DIS3L: variants seen among roughly 807,000 people sequenced by gnomAD.
The protein encoded by DIS3L is DIS3 like exosome 3'-5' exoribonuclease.
DIS3L carries 100 observed loss-of-function variants against 120.3 expected under a neutral mutation model. That is an observed-to-expected ratio of 0.83 (90% CI 0.71 to 0.98). The LOEUF (loss-of-function observed/expected upper bound fraction) is 0.98. DIS3L is among the 50% of genes least tolerant of loss of function. The pLI, the probability that DIS3L is intolerant of heterozygous loss-of-function variation, is 0.00. For missense variants in DIS3L, 1,196 were observed against 1,314.2 expected (o/e 0.91, Z 1.39); for synonymous variants, 426 against 470.6 (o/e 0.91, Z 1.23).
rs755941535 is a variant in DIS3L at position 66,311,798 on chromosome 15, GGA to G, written c.642_643del (p.Asn215Ter). On this transcript the variant is annotated frameshift_variant, in exon 5 of 17. Transcript: ENST00000319212. LOFTEE classifies it high-confidence loss of function. ...LCDSILQSRR[E>X]RENESQESHG... ...GTGATTCTATCCTTCAGTCTCGACGGGAGAGAGAGAATGAGAGTCAGGAGAGC... is the reference window on the plus strand; with the variant it reads ...GTGATTCTATCCTTCAGTCTCGACGGGAGAGAGAATGAGAGTCAGGAGAGC... 8.1e-6 allele frequency: 13 copies of G among 1,614,130 alleles called. No homozygotes were observed. Among genetic ancestry groups the G allele is most frequent in the East Asian group, 2.2e-5 (1 of 44,884 alleles).
intron 15 of DIS3L, among the ~76,000 whole-genome samples, chr15:66,332,305 A>C (rs2093007103): frequency 6.6e-6 from 1 of 152,054 alleles, no homozygotes; most frequent in East Asian, 1.9e-4. Flanking sequence ...AAAAGTACAA[A>C]AATTAGCCGG....
Position 66,293,689 on chromosome 15 carries a change from G to A in DIS3L, c.93G>A (p.Val31=). 7.2e-7 allele frequency: 1 copy of A among 1,397,628 alleles called. No homozygotes were observed. Among genetic ancestry groups the A allele is most frequent in the Non-Finnish European group, 9.3e-7 (1 of 1,070,838 alleles). The allele number at this position is 1,397,628 out of a possible 1,614,324, so 86.6% of individuals were successfully genotyped here. A position where few individuals can be genotyped will look rare whatever the true frequency, so the allele number is the denominator to read the frequency against. The change falls in exon 1 of 17, where the codon GTG becomes GTA. Residue 31 remains valine (V), a synonymous_variant. Transcript: ENST00000319212. ...IVREHYLRPC[V]PCHSPLCPQP... is the part of the protein sequence containing the mutation. ...GCGAGCACTACCTGCGGCCCTGCGT[G>A]CCCTGCCACAGCCCGCTCTGCCCGC...
intron 8 of DIS3L, among the ~76,000 whole-genome samples, 197 bp downstream of exon 8, chr15:66,318,815 CAG>C (rs1481114610): frequency 2.0e-5 from 3 of 152,074 alleles, no homozygotes; most frequent in African/African-American, 4.8e-5. Flanking sequence ...TTTTCCAAGA[CAG>C]AGTCTCACTC....
At position 66,333,421 on chromosome 15, in the gene DIS3L, C is replaced by CTA; in HGVS notation, c.*111_*112dup. 1 of 1,205,240 alleles carries CTA rather than the reference C, an allele frequency of 8.3e-7. No homozygotes were observed. Among genetic ancestry groups the CTA allele is most frequent in the Non-Finnish European group, 1.1e-6 (1 of 873,876 alleles). 74.7% of individuals were successfully genotyped at this position (1,205,240 alleles called of 1,614,324 possible). On this transcript the variant is annotated 3_prime_UTR_variant, in exon 17 of 17. Coordinates refer to ENST00000319212, the MANE Select transcript of DIS3L (RefSeq NM_001143688.3). ...GCTCTAGTCGATCAGGACTGGGTAGCTATTTCGCATATATGTAAAATGTTC... is the reference window on the plus strand; with the variant it reads ...GCTCTAGTCGATCAGGACTGGGTAGCTATATTTCGCATATATGTAAAATGTTC...
At chr15:66,332,078 A>C in intron 15 of DIS3L, 58 bp downstream of exon 15, 1 of 1,478,790 alleles carries the variant, frequency 6.8e-7, no homozygotes, top group East Asian at 2.3e-5. Flanking sequence ...TGTAGAACAC[A>C]AACTGTACAT....
In DIS3L at chr15:66,306,829, A is replaced by G. The variant is rs1484456750; in HGVS notation, c.299A>G (p.Tyr100Cys). 7.4e-6 allele frequency: 12 copies of G among 1,614,006 alleles called. No homozygotes were observed. Among genetic ancestry groups the G allele is most frequent in the African/African-American group, 1.3e-5 (1 of 74,928 alleles). Residue 100 changes from tyrosine (Y) to cysteine (C), a missense_variant, in exon 3 of 17, where the codon TAT becomes TGT. Transcript: ENST00000319212. Reference protein sequence around the residue: ...AVQHQRGRRQYNKLRNLLKDA... With the variant: ...AVQHQRGRRQCNKLRNLLKDA... ...TTTTCTCCTCCGTGTCACAGACAGT[A>G]TAACAAACTGCGAAACCTGCTGAAG...
chr15:66,295,259 CTAA>C, intron 2 of DIS3L, 118 bp downstream of exon 2: 1 of 977,054 alleles, frequency 1.0e-6, no homozygotes, highest in South Asian at 1.7e-5. Flanking sequence ...ACTTTTAAAA[CTAA>C]TTTCGTATTC....
At chr15:66,310,907 A>G (rs936843045) in intron 4 of DIS3L, among the ~76,000 whole-genome samples, 1 of 152,140 alleles carries the variant, frequency 6.6e-6, no homozygotes, top group Non-Finnish European at 1.5e-5. Flanking sequence ...AAGCAGGAGG[A>G]TCACTTGAGC....
chr15:66,325,570 C>G (rs889223924), intron 11 of DIS3L, among the ~76,000 whole-genome samples: 1 of 152,100 alleles, frequency 6.6e-6, no homozygotes, highest in Admixed American at 6.6e-5. Context: ...TTTGTAATTT[C>G]TTTTAAGTTA....
chr15:66,294,126 G>A, intron 1 of DIS3L: 1 of 985,654 alleles, frequency 1.0e-6, no homozygotes, highest in Non-Finnish European at 1.2e-6. Flanking sequence ...GGAGCTACAG[G>A]CCAGCTGCTG....
intron 4 of DIS3L, 64 bp from the exon 5 acceptor site, chr15:66,311,660 A>T: frequency 6.3e-7 from 1 of 1,589,940 alleles, no homozygotes; most frequent in African/African-American, 1.3e-5. Flanking sequence ...AGTTTCTGTC[A>T]TAGTACCATG....
At chr15:66,294,683 G>A (rs1256111373) in intron 1 of DIS3L, among the ~76,000 whole-genome samples, 4 of 152,162 alleles carry the variant, frequency 2.6e-5, no homozygotes, top group Admixed American at 6.5e-5. Flanking sequence ...TCAATGATGA[G>A]TTAACACTGA....
rs1037589390 is a variant in DIS3L at position 66,333,848 on chromosome 15, C to G, written c.*536C>G. ...AATGAGTGGACAGTAAGTGGTGGCT[C>G]TGCAGATGGCCCCTTTCTAATAAGT... On this transcript the variant is annotated 3_prime_UTR_variant, in exon 17 of 17. Coordinates refer to ENST00000319212, the MANE Select transcript of DIS3L (RefSeq NM_001143688.3). The G allele has an allele frequency of 3.3e-5, 5 of 151,724 alleles. No individual in the cohort carries two copies. The highest frequency in any genetic ancestry group is 1.2e-4 in the African/African-American group (5 of 41,278). The allele number at this position is 151,724 out of a possible 1,614,324, so 9.4% of individuals were successfully genotyped here. A position where few individuals can be genotyped will look rare whatever the true frequency, so the allele number is the denominator to read the frequency against.
At position 66,325,901 on chromosome 15, in the gene DIS3L, A is replaced by C; in HGVS notation, c.1738A>C (p.Thr580Pro). The C allele has an allele frequency of 6.2e-7, 1 of 1,614,116 alleles. No homozygotes were observed. Among genetic ancestry groups the C allele is most frequent in the Non-Finnish European group, 8.5e-7 (1 of 1,179,942 alleles). ...AATTAAGAAAGTGTGGTATGGCAGA[A>C]CCATTATTCGATCAGCATACAAACT... is the stretch of plus-strand genomic sequence containing the variant. ...YEIKKVWYGR[T>P]IIRSAYKLFY... is the part of the protein sequence containing the mutation. The change falls in exon 12 of 17, where the codon ACC becomes CCC. Residue 580 changes from threonine to proline, a missense_variant. By Grantham distance (38) the Thr-to-Pro change is conservative. Coordinates refer to ENST00000319212, the MANE Select transcript of DIS3L (RefSeq NM_001143688.3).
At chr15:66,320,168 AC>A (rs1200187978) in intron 8 of DIS3L, among the ~76,000 whole-genome samples, 1 of 152,022 alleles carries the variant, frequency 6.6e-6, no homozygotes, top group African/African-American at 2.4e-5. Context: ...GAAATTAGGA[AC>A]TACCTCCCAC....
intron 10 of DIS3L, 121 bp downstream of exon 10, chr15:66,323,055 A>G: frequency 7.6e-7 from 1 of 1,310,378 alleles, no homozygotes; most frequent in Non-Finnish European, 1.0e-6. Context: ...CCTTCCAGAA[A>G]AAAAAAGTTG....
intron 2 of DIS3L, among the ~76,000 whole-genome samples, chr15:66,299,545 C>CA (rs34499239): frequency 0.3 from 26,309 of 87,774 alleles, 2,918 homozygotes; most frequent in Middle Eastern, 0.36. Flanking sequence ...AACTCCATCT[C>CA]AAAAAAAAAA....
intron 9 of DIS3L, 111 bp from the exon 10 acceptor site, chr15:66,322,576 G>A: frequency 1.3e-6 from 2 of 1,489,572 alleles, no homozygotes; most frequent in Non-Finnish European, 9.1e-7. Context: ...TGATGAAGAA[G>A]GTAATTGAGA....
rs1424470487 is a variant in DIS3L at position 66,309,331 on chromosome 15, A to G, written c.558+487A>G. Among the ~76,000 whole-genome samples the G allele has an allele frequency of 2.0e-5, 3 of 151,512 alleles. No homozygotes were observed. The South Asian group carries it at 6.3e-4, about 32-fold the overall frequency. Reference sequence around the variant, plus strand: ...ACAAATTCAGACCAACTTTGACTATAAGGCCCACAGCATCTAATACCAGCC... The same window carrying G: ...ACAAATTCAGACCAACTTTGACTATGAGGCCCACAGCATCTAATACCAGCC... On this transcript the variant is annotated intron_variant, in intron 4 of 16. Transcript: ENST00000319212.
Sources: gnomAD v4.1 joint callset for allele counts (sites outside exome capture counted in the v4.1 genomes callset) on GRCh38, gnomAD v4.1.1 for gene constraint, MANE v1.5 for transcripts, NCBI Gene and HGNC (gene_info 2026-07-23, HGNC 2026-07-21) for gene names.